The following AGAP6 variants were observed in gnomAD, a reference collection of about 807,000 sequenced individuals.
AGAP6 encodes ArfGAP with GTPase domain, ankyrin repeat and PH domain 6, also known as arf-GAP with GTPase, ANK repeat and PH domain-containing protein 6.
A neutral mutation model predicts 63.9 loss-of-function variants in AGAP6; 29 were observed. That is an observed-to-expected ratio of 0.45 (90% CI 0.34 to 0.62). The LOEUF is 0.62. AGAP6 is among the 20% of genes least tolerant of loss of function. The probability of loss-of-function intolerance (pLI) is 0.01; values close to 1 mark genes in which losing one functional copy is unlikely to be tolerated. For synonymous variants in AGAP6, 199 were observed against 332.9 expected (o/e 0.60, Z 4.38); for missense variants, 493 against 884.9 (o/e 0.56, Z 5.62).
chr10:49,991,344 G>A (rs1841265528), intron 2 of AGAP6, among the ~76,000 whole-genome samples: 4 of 145,710 alleles, frequency 2.7e-5, no homozygotes, highest in Admixed American at 2.1e-4. Flanking sequence ...TTTATGCAAA[G>A]TTGATTTTAG....
rs1554865600 is a variant in AGAP6, at chr10:50,010,097, AAC to A, written c.1976_1977del (p.Thr659SerfsTer47). The A allele has an allele frequency of 1.2e-5, 19 of 1,609,688 alleles. 1 individual carries two copies. The South Asian group carries it at 1.9e-4, about 16-fold the overall frequency. On this transcript the variant is annotated frameshift_variant, in exon 8 of 8. Coordinates refer to ENST00000412531, the MANE Select transcript of AGAP6 (RefSeq NM_001077665.3). LOFTEE classifies it high-confidence loss of function. ...CGTCATGGCCCGAGATGCCCACGGG[AAC>A]ACAGCGCTGACCTACGCCCGGCAGG... is the stretch of plus-strand genomic sequence containing the variant. ...VDVMARDAHG[N>X]TALTYARQAS...
chr10:49,993,750 G>T (rs1444078503), intron 3 of AGAP6, among the ~76,000 whole-genome samples: 30 of 151,498 alleles, frequency 2.0e-4, no homozygotes, highest in Non-Finnish European at 3.4e-4. Flanking sequence ...AACCTGGGAG[G>T]CAGAGGTTGC....
chr10:50,009,465 A>T lies in AGAP6; in HGVS notation c.1340A>T (p.Gln447Leu). Reference sequence around the variant, plus strand: ...CAGAGCCAGATCCTGGCCAGCCTGCAGTCATGCGAGAGCAGTAAAAGCAAG... The same window carrying T: ...CAGAGCCAGATCCTGGCCAGCCTGCTGTCATGCGAGAGCAGTAAAAGCAAG... ...AIQSQILASL[Q>L]SCESSKSKSQ... The change falls in exon 8 of 8, where the codon CAG (glutamine) becomes CTG (leucine). Residue 447 changes from glutamine to leucine, a missense_variant. Coordinates refer to ENST00000412531, the MANE Select transcript of AGAP6 (RefSeq NM_001077665.3). The T allele has an allele frequency of 6.2e-7, 1 of 1,612,382 alleles. No homozygotes were observed. Among genetic ancestry groups the T allele is most frequent in the Non-Finnish European group, 8.5e-7 (1 of 1,179,964 alleles).
chr10:50,001,216 G>A (rs1229631057), intron 4 of AGAP6, among the ~76,000 whole-genome samples: 1 of 148,386 alleles, frequency 6.7e-6, no homozygotes, highest in Middle Eastern at 3.5e-3. Context: ...TGTAGTCCCA[G>A]CTACTCAGGA....
Sources: gnomAD v4.1 joint callset for allele counts (sites outside exome capture counted in the v4.1 genomes callset) on GRCh38, gnomAD v4.1.1 for gene constraint, MANE v1.5 for transcripts, NCBI Gene and HGNC (gene_info 2026-07-23, HGNC 2026-07-21) for gene names.